The following PTPRN2 variants were observed in gnomAD, a reference collection of about 807,000 sequenced individuals.
The protein encoded by PTPRN2 is receptor-type tyrosine-protein phosphatase N2.
PTPRN2 carries 74 observed loss-of-function variants against 118.8 expected under a neutral mutation model. The observed-to-expected ratio is 0.62, with a 90% CI of 0.52 to 0.76. PTPRN2 has a LOEUF of 0.76. PTPRN2 is among the 30% of genes least tolerant of loss of function. The pLI is 0.00. For synonymous variants in PTPRN2, 641 were observed against 608.0 expected, an observed-to-expected ratio of 1.05 and a Z score of -0.80; for missense variants, 1,481 against 1,394.4, an observed-to-expected ratio of 1.06 and a Z score of -0.99.
At chr7:158,331,048 C>T (rs62493631) in intron 2 of PTPRN2, among the ~76,000 whole-genome samples, 1 of 137,718 alleles carries the variant, frequency 7.3e-6, no homozygotes, top group Non-Finnish European at 1.6e-5. Flanking sequence ...GAGGTGACAC[C>T]TGCAGACGTC....
chr7:157,700,753 C>T (rs796830755), intron 12 of PTPRN2, among the ~76,000 whole-genome samples: 1 of 152,172 alleles, frequency 6.6e-6, no homozygotes, highest in East Asian at 1.9e-4. Context: ...CACACAGGGG[C>T]GCCTCCAGAC....
At chr7:157,607,156 G>A (rs978777850) in intron 15 of PTPRN2, among the ~76,000 whole-genome samples, 13 of 152,206 alleles carry the variant, frequency 8.5e-5, no homozygotes, top group African/African-American at 3.1e-4. Flanking sequence ...AATTGGCAGT[G>A]GCAGGAAATT....
chr7:158,540,162 C>T (rs1483493316), intron 1 of PTPRN2, among the ~76,000 whole-genome samples: 1 of 152,188 alleles, frequency 6.6e-6, no homozygotes, highest in Non-Finnish European at 1.5e-5. Flanking sequence ...GGGTCCCATG[C>T]CCTGGCTAGC....
chr7:158,052,542 G>A (rs1181200419), intron 11 of PTPRN2, among the ~76,000 whole-genome samples: 6 of 151,108 alleles, frequency 4.0e-5, no homozygotes, highest in Non-Finnish European at 5.9e-5. Flanking sequence ...GGGTGCGGCC[G>A]CTGCTTTGCC....
intron 1 of PTPRN2, among the ~76,000 whole-genome samples, chr7:158,556,998 G>A (rs1436501753): frequency 7.8e-6 from 1 of 128,668 alleles, no homozygotes; most frequent in Non-Finnish European, 1.5e-5. Context: ...TCCCACGCAG[G>A]TCGCTCCCAC....
intron 12 of PTPRN2, among the ~76,000 whole-genome samples, chr7:157,716,063 C>T (rs73163880): frequency 0.47 from 70,895 of 152,176 alleles, 17,334 homozygotes; most frequent in African/African-American, 0.61. Context: ...CCACGTGGGA[C>T]ATGGGATGGC....
At chr7:157,983,682 G>A (rs974470841) in intron 11 of PTPRN2, among the ~76,000 whole-genome samples, 3 of 152,208 alleles carry the variant, frequency 2.0e-5, no homozygotes, top group African/African-American at 7.2e-5. Context: ...GTGTGCACAC[G>A]TGAGCTTGTG....
intron 12 of PTPRN2, among the ~76,000 whole-genome samples, chr7:157,891,603 T>G (rs1796814330): frequency 6.6e-6 from 1 of 151,682 alleles, no homozygotes; most frequent in Non-Finnish European, 1.5e-5. Context: ...AAATTCACAT[T>G]TTTCATGGGG....
rs567903475 is a variant in PTPRN2 at position 158,525,551 on chromosome 7, C to T, written c.113-35766G>A. Among the ~76,000 whole-genome samples the T allele has an allele frequency of 5.3e-5, 8 of 152,342 alleles. No individual in the cohort carries two copies. Among genetic ancestry groups the T allele is most frequent in the African/African-American group, 1.4e-4 (6 of 41,584 alleles). ...CCCAGCCTCCCTGGCCCAGAACAGG[C>T]GCTCACTGTATCTCCTCCCTTCCTC... On this transcript the variant is annotated intron_variant, in intron 1 of 22. Coordinates refer to ENST00000389418, the MANE Select transcript of PTPRN2 (RefSeq NM_002847.5). The surrounding 1 kb of genome is among the most constrained non-coding windows in gnomAD (Gnocchi z 4.1).
intron 5 of PTPRN2, among the ~76,000 whole-genome samples, chr7:158,181,530 G>C (rs1824705826): frequency 6.6e-6 from 1 of 152,098 alleles, no homozygotes; most frequent in Non-Finnish European, 1.5e-5. Flanking sequence ...TTCTTTGAGT[G>C]TCTGGTATAA....
intron 3 of PTPRN2, among the ~76,000 whole-genome samples, chr7:158,265,510 C>A (rs760317726): frequency 4.5e-4 from 68 of 152,274 alleles, no homozygotes; most frequent in African/African-American, 1.6e-3. Flanking sequence ...CCCACAGGTG[C>A]ATATATCCCC....
At chr7:158,494,575 G>A (rs1388003985) in intron 1 of PTPRN2, among the ~76,000 whole-genome samples, 1 of 152,208 alleles carries the variant, frequency 6.6e-6, no homozygotes, top group Non-Finnish European at 1.5e-5. Context: ...AGAAGCCTGT[G>A]AGCTGCTGGC....
chr7:158,274,221 G>T (rs1690553395), intron 3 of PTPRN2, among the ~76,000 whole-genome samples: 1 of 124,474 alleles, frequency 8.0e-6, no homozygotes, highest in Non-Finnish European at 1.6e-5. Flanking sequence ...GCCGCAGACA[G>T]ACATGGGAGG....
chr7:158,122,210 T>C (rs1474049593), intron 9 of PTPRN2, among the ~76,000 whole-genome samples: 1 of 152,200 alleles, frequency 6.6e-6, no homozygotes, highest in Non-Finnish European at 1.5e-5. Context: ...CTTTCAAAGC[T>C]GAAGATGGCG....
intron 2 of PTPRN2, among the ~76,000 whole-genome samples, chr7:158,337,245 T>C (rs868395363): frequency 6.7e-6 from 1 of 149,974 alleles, no homozygotes; most frequent in African/African-American, 2.5e-5. Context: ...ATTCTCACCA[T>C]AAGAGCTGAC....
intron 3 of PTPRN2, among the ~76,000 whole-genome samples, chr7:158,261,735 G>C (rs1797412036): frequency 6.6e-6 from 1 of 152,214 alleles, no homozygotes; most frequent in Admixed American, 6.5e-5. Flanking sequence ...CAGCTCTGTG[G>C]AAGACGCCAT....
intron 1 of PTPRN2, among the ~76,000 whole-genome samples, chr7:158,504,262 TGTGCCATG>T (rs1822580780): frequency 6.6e-6 from 1 of 152,142 alleles, no homozygotes; most frequent in African/African-American, 2.4e-5. Context: ...TAGGTAAGTG[TGTGCCATG>T]GTGGTTTCCT....
chr7:158,283,503 G>A (rs1799569776), intron 3 of PTPRN2, among the ~76,000 whole-genome samples: 1 of 152,152 alleles, frequency 6.6e-6, no homozygotes, highest in Admixed American at 6.5e-5. Flanking sequence ...AGCTCTGACT[G>A]GCCACGTCGT....
chr7:158,315,567 G>A (rs1321155604), intron 3 of PTPRN2, among the ~76,000 whole-genome samples: 1 of 152,228 alleles, frequency 6.6e-6, no homozygotes, highest in Admixed American at 6.5e-5. Flanking sequence ...GAAGAACAGA[G>A]GTGATTGGAA....
Sources: allele counts gnomAD v4.1 joint callset (sites outside exome capture counted in the v4.1 genomes callset), GRCh38; gene constraint gnomAD v4.1.1; non-coding constraint Gnocchi (gnomAD v3.1); transcripts MANE v1.5; gene names NCBI Gene and HGNC (gene_info 2026-07-23, HGNC 2026-07-21).